The following ZZZ3 variants were observed in gnomAD, a reference collection of about 807,000 sequenced individuals.
ZZZ3 encodes ZZ-type zinc finger-containing protein 3.
In ZZZ3, 22 loss-of-function variants were observed where a neutral mutation model predicts 95.2. The ratio of observed to expected loss-of-function variants is 0.23; its 90% CI spans 0.17 to 0.33. The LOEUF is 0.33. Ranked by LOEUF, ZZZ3 falls within the 10% of genes least tolerant of loss-of-function variation. The pLI, the probability that ZZZ3 is intolerant of heterozygous loss-of-function variation, is 1.00. For missense variants in ZZZ3, 885 were observed against 1,066.5 expected (o/e 0.83, Z 2.37); for synonymous variants, 335 against 358.9 (o/e 0.93, Z 0.75).
In ZZZ3 at chr1:77,660,576, T is replaced by C. The variant is rs1185436689; in HGVS notation, c.-402-18921A>G. Among the ~76,000 whole-genome samples the C allele has an allele frequency of 2.0e-5, 3 of 152,218 alleles. No individual in the cohort carries two copies. The East Asian group carries it at 5.8e-4, about 29-fold the overall frequency. On this transcript the variant is annotated intron_variant, in intron 1 of 14. Coordinates refer to ENST00000370801, the MANE Select transcript of ZZZ3 (RefSeq NM_015534.6). ...CTCCTTCCTTTTTAGAGGTAAATAA[T>C]ATTCCCTATGCATATACCACATTTT...
Position 77,639,462 on chromosome 1 carries a change from GATCT to G in ZZZ3, c.-69_-66del, listed in dbSNP as rs1368845765. 6 of 1,516,326 alleles carry G rather than the reference GATCT, an allele frequency of 4.0e-6. No homozygotes were observed. In the East Asian group the frequency reaches 1.5e-4, roughly 39 times the overall value. 93.9% of individuals were successfully genotyped at this position (1,516,326 alleles called of 1,614,324 possible). On this transcript the variant is annotated 5_prime_UTR_variant, in exon 4 of 15. The change creates a premature stop within an existing upstream ORF in the 5' untranslated region. Coordinates refer to ENST00000370801, the MANE Select transcript of ZZZ3 (RefSeq NM_015534.6). ...TAAATAACTTACCTGTACAACCAAAGATCTATCATTGTGGAAATATAATCTCTTT... is the reference window on the plus strand; with the variant it reads ...TAAATAACTTACCTGTACAACCAAAGATCATTGTGGAAATATAATCTCTTT...
At chr1:77,631,342 CTCTAAG>C (rs1156484858) in intron 5 of ZZZ3, among the ~76,000 whole-genome samples, 1 of 152,130 alleles carries the variant, frequency 6.6e-6, no homozygotes, top group African/African-American at 2.4e-5. Flanking sequence ...ATATCCACTT[CTCTAAG>C]TCAAAGTCAA....
chr1:77,582,544 T>G (rs569797235), intron 6 of ZZZ3, among the ~76,000 whole-genome samples: 42 of 151,954 alleles, frequency 2.8e-4, no homozygotes, highest in South Asian at 2.1e-3. Context: ...ATGATAAACC[T>G]AAATAAAATA....
chr1:77,579,656 G>T, intron 9 of ZZZ3, 28 bp from the exon 10 acceptor site: 1 of 1,257,946 alleles, frequency 7.9e-7, no homozygotes, highest in South Asian at 1.4e-5. Flanking sequence ...CCAAATTTAA[G>T]AAAATATGTA....
chr1:77,659,150 G>A (rs994096834), intron 1 of ZZZ3, among the ~76,000 whole-genome samples: 10 of 151,852 alleles, frequency 6.6e-5, no homozygotes, highest in Non-Finnish European at 4.4e-5. Flanking sequence ...CCTGGGAGGC[G>A]GAGGTTGCGG....
At chr1:77,650,254 T>C (rs1475505034) in intron 1 of ZZZ3, among the ~76,000 whole-genome samples, 1 of 152,000 alleles carries the variant, frequency 6.6e-6, no homozygotes, top group Non-Finnish European at 1.5e-5. Context: ...AAAAAGCCAA[T>C]AGCAAGGTGA....
chr1:77,586,980 C>G (rs2100587689), intron 5 of ZZZ3, among the ~76,000 whole-genome samples: 1 of 152,272 alleles, frequency 6.6e-6, no homozygotes, highest in South Asian at 2.1e-4. Context: ...AGGCAAGATT[C>G]AATTTTTCAT....
At chr1:77,666,897 A>T (rs1234800224) in intron 1 of ZZZ3, among the ~76,000 whole-genome samples, 1 of 152,234 alleles carries the variant, frequency 6.6e-6, no homozygotes, top group East Asian at 1.9e-4. Flanking sequence ...CCCTCAGGGA[A>T]AACCTTTCTA....
At chr1:77,683,086 G>T (rs1344938714), upstream of ZZZ3, among the ~76,000 whole-genome samples, 1 of 52,128 alleles carries the variant, frequency 1.9e-5, no homozygotes, top group African/African-American at 8.9e-5. Context: ...CCCACGTGGG[G>T]GCTTCGCCGT....
rs865805474 is a variant in ZZZ3, at chr1:77,668,794, C to T, written c.-403+13791G>A. Among the ~76,000 whole-genome samples the T allele has an allele frequency of 8.6e-5, 13 of 152,006 alleles. No homozygotes were observed. In the South Asian group the frequency reaches 1.0e-3, roughly 12 times the overall value. On this transcript the variant is annotated intron_variant, in intron 1 of 14. Transcript: ENST00000370801. ...AGTCCATTTGCCCAAAACAGATGTT[C>T]GATAATGGTTAATTCTATATCTAAG...
rs142556982 is a variant in ZZZ3, at chr1:77,597,976, C to T, written c.1506-13321G>A. On this transcript the variant is annotated intron_variant, in intron 5 of 14. Coordinates refer to ENST00000370801, the MANE Select transcript of ZZZ3 (RefSeq NM_015534.6). ...AAATTGGGTATAGAGTATACAGTAA[C>T]CCTGTAATATGTTCTAGATATTTCT... Among the ~76,000 whole-genome samples the T allele has an allele frequency of 2.0e-3, 302 of 152,098 alleles. 9 individuals are homozygous for T. In the East Asian group the frequency reaches 0.045, roughly 22 times the overall value.
chr1:77,597,399 C>T (rs1032412959), intron 5 of ZZZ3, among the ~76,000 whole-genome samples: 26 of 152,088 alleles, frequency 1.7e-4, no homozygotes, highest in African/African-American at 5.6e-4. Context: ...GAATAGGGAA[C>T]GCAGCTCCCC....
chr1:77,651,816 G>A (rs577695676), intron 1 of ZZZ3, among the ~76,000 whole-genome samples: 2 of 152,220 alleles, frequency 1.3e-5, no homozygotes, highest in South Asian at 4.2e-4. Context: ...AGGAGACAGA[G>A]AACATCTTGG....
chr1:77,598,121 T>C (rs776509702), intron 5 of ZZZ3, among the ~76,000 whole-genome samples: 19 of 152,104 alleles, frequency 1.2e-4, no homozygotes, highest in Non-Finnish European at 2.5e-4. Flanking sequence ...TAAAATACTT[T>C]TGACTCCCGA....
intron 1 of ZZZ3, among the ~76,000 whole-genome samples, chr1:77,648,348 C>CAA (rs774444208): frequency 1.8e-3 from 94 of 52,710 alleles, no homozygotes; most frequent in African/African-American, 3.3e-3. Flanking sequence ...AATCTTGCCT[C>CAA]AAAAAAAAAA....
intron 1 of ZZZ3, among the ~76,000 whole-genome samples, chr1:77,649,741 G>C (rs939340164): frequency 6.6e-6 from 1 of 151,964 alleles, no homozygotes; most frequent in Non-Finnish European, 1.5e-5. Context: ...AATTAGCCGG[G>C]TATGGTGGCG....
chr1:77,600,840 AG>A (rs1042608199), intron 5 of ZZZ3, among the ~76,000 whole-genome samples: 50 of 152,260 alleles, frequency 3.3e-4, no homozygotes, highest in African/African-American at 1.1e-3. Flanking sequence ...TAGACTAACT[AG>A]GACGGAGTTT....
intron 5 of ZZZ3, among the ~76,000 whole-genome samples, chr1:77,607,317 A>G (rs892060185): frequency 7.2e-5 from 11 of 152,202 alleles, no homozygotes; most frequent in African/African-American, 2.7e-4. Flanking sequence ...AACCATCCCC[A>G]TGATTCAATT....
intron 5 of ZZZ3, among the ~76,000 whole-genome samples, chr1:77,591,339 T>C (rs576705354): frequency 6.6e-6 from 1 of 152,160 alleles, no homozygotes; most frequent in East Asian, 1.9e-4. Flanking sequence ...CCTCTCTCCT[T>C]CTCCCTCTTC....
Sources: allele counts gnomAD v4.1 joint callset (sites outside exome capture counted in the v4.1 genomes callset), GRCh38; gene constraint gnomAD v4.1.1; transcripts MANE v1.5; gene names NCBI Gene and HGNC (gene_info 2026-07-23, HGNC 2026-07-21).